ERN1: variants seen among roughly 807,000 people sequenced by gnomAD.
The protein encoded by ERN1 is serine/threonine-protein kinase/endoribonuclease IRE1.
In ERN1, 39 loss-of-function variants were observed where a neutral mutation model predicts 113.1. The ratio of observed to expected loss-of-function variants is 0.34; its 90% CI spans 0.27 to 0.45. ERN1 has a LOEUF of 0.45. Ranked by LOEUF, ERN1 falls within the 20% of genes least tolerant of loss-of-function variation. The pLI, the probability that ERN1 is intolerant of heterozygous loss-of-function variation, is 1.00. For missense variants in ERN1, 976 were observed against 1,274.8 expected (o/e 0.77, Z 3.57); for synonymous variants, 507 against 515.9 (o/e 0.98, Z 0.23).
intron 1 of ERN1, chr17:64,129,255 C>T (rs910251787): frequency 1.3e-5 from 2 of 152,238 alleles, no homozygotes; most frequent in African/African-American, 4.8e-5. Flanking sequence ...GGTGCTCTCC[C>T]ACGAGGAGAC....
intron 11 of ERN1, among the ~76,000 whole-genome samples, chr17:64,058,550 T>G (rs981606510): frequency 6.6e-6 from 1 of 152,194 alleles, no homozygotes; most frequent in African/African-American, 2.4e-5. Flanking sequence ...TTAAGAAGCA[T>G]CAGAAGCGTT....
chr17:64,117,963 T>C (rs1230974441), intron 1 of ERN1, among the ~76,000 whole-genome samples: 1 of 152,180 alleles, frequency 6.6e-6, no homozygotes, highest in Non-Finnish European at 1.5e-5. Context: ...GTGCTTGGCA[T>C]AAAATATGTA....
Position 64,057,834 on chromosome 17 carries a change from C to T in ERN1, c.1366G>A (p.Gly456Ser). 1 of 1,613,910 alleles carries T rather than the reference C, an allele frequency of 6.2e-7. No homozygotes were observed. Among genetic ancestry groups the T allele is most frequent in the Non-Finnish European group, 8.5e-7 (1 of 1,179,894 alleles). ...TIILSTFLLI[G>S]WVAFIITYPL... is the part of the protein sequence containing the mutation. Reference sequence around the variant, plus strand: ...TAGGTGATGATGAAGGCCACCCAGCCAATCAGCAGGAAGGTGCTCAGGATG... The same window carrying T: ...TAGGTGATGATGAAGGCCACCCAGCTAATCAGCAGGAAGGTGCTCAGGATG... Residue 456 changes from glycine (G) to serine (S), a missense_variant, in exon 12 of 22, where the codon GGC becomes AGC. Around this residue, in one of 5 missense-constraint regions of ERN1, gnomAD observed 459 missense variants for 581.2 expected, o/e 0.79. Transcript: ENST00000433197.
In ERN1 at chr17:64,054,908, C is replaced by T. The variant is rs1912807897; in HGVS notation, c.1673-80G>A. On this transcript the variant is annotated intron_variant, in intron 13 of 21. Transcript: ENST00000433197. The surrounding 1 kb of genome is among the most constrained non-coding windows in gnomAD (Gnocchi z 4.9). ...TTGAGGTTAACATAGTGACAAGCTT[C>T]CTGACCTCAGATTAAAAGATGGGAT... The T allele has an allele frequency of 9.3e-7, 1 of 1,076,920 alleles. No individual in the cohort carries two copies. 66.7% of individuals were successfully genotyped at this position (1,076,920 alleles called of 1,614,324 possible).
chr17:64,091,811 C>T (rs965022447), intron 2 of ERN1, among the ~76,000 whole-genome samples: 3 of 152,124 alleles, frequency 2.0e-5, no homozygotes, highest in African/African-American at 4.8e-5. Context: ...TGCACATGCA[C>T]TAAGGAGCTT....
intron 11 of ERN1, 100 bp from the exon 12 acceptor site, chr17:64,058,093 C>T: frequency 2.2e-6 from 2 of 912,206 alleles, no homozygotes. Context: ...AAGGATATGA[C>T]TGTACTGCAG....
At chr17:64,096,593 G>A (rs764118701) in intron 2 of ERN1, among the ~76,000 whole-genome samples, 13 of 152,120 alleles carry the variant, frequency 8.5e-5, no homozygotes, top group Admixed American at 5.9e-4. Flanking sequence ...AAACTTCCAC[G>A]AAACTGGTCC....
Position 64,098,465 on chromosome 17 carries a change from A to G in ERN1, c.55-224T>C, listed in dbSNP as rs779616188. 5 of 725,332 alleles carry G rather than the reference A, an allele frequency of 6.9e-6. No individual in the cohort carries two copies. The Admixed American group carries it at 6.9e-5, about 10-fold the overall frequency. 44.9% of individuals were successfully genotyped at this position (725,332 alleles called of 1,614,324 possible). A position where few individuals can be genotyped will look rare whatever the true frequency, so the allele number is the denominator to read the frequency against. ...CTGCAGACAGGCAGGCTCATGACCT[A>G]ACATTACAAGGACAAGAATTCTGAA... On this transcript the variant is annotated intron_variant, in intron 1 of 21. Coordinates refer to ENST00000433197, the MANE Select transcript of ERN1 (RefSeq NM_001433.5).
chr17:64,067,866 ATGTCCTATGCT>A (rs1306121709), intron 7 of ERN1: 4 of 221,874 alleles, frequency 1.8e-5, no homozygotes, highest in Non-Finnish European at 3.6e-5. Context: ...AGGGTTGTTA[ATGTCCTATGCT>A]GATTTTACTT....
At chr17:64,112,317 G>A (rs1444839445) in intron 1 of ERN1, among the ~76,000 whole-genome samples, 2 of 150,876 alleles carry the variant, frequency 1.3e-5, no homozygotes, top group Admixed American at 1.3e-4. Flanking sequence ...GCAGTGAGCT[G>A]AGATTGCACC....
chr17:64,053,489 T>C (rs1034645671), intron 15 of ERN1, 118 bp from the exon 16 acceptor site: 6 of 570,614 alleles, frequency 1.1e-5, no homozygotes, highest in Non-Finnish European at 1.7e-5. Flanking sequence ...CAACATTCTG[T>C]CTAAATCCAT....
intron 1 of ERN1, among the ~76,000 whole-genome samples, chr17:64,110,724 C>T (rs1914649100): frequency 6.6e-6 from 1 of 152,200 alleles, no homozygotes; most frequent in South Asian, 2.1e-4. Context: ...CTGACTTTTT[C>T]ATGTCAATAT....
Position 64,088,209 on chromosome 17 carries a change from T to C in ERN1, c.176-7401A>G, listed in dbSNP as rs553791177. On this transcript the variant is annotated intron_variant, in intron 2 of 21. Coordinates refer to ENST00000433197, the MANE Select transcript of ERN1 (RefSeq NM_001433.5). The stretch of plus-strand genomic sequence containing the variant: ...CACGGATATTTCTGGAACACCCTGC[T>C]TTTGCTTTTCCGTTGGACTCTAGAT... 2.2e-3 allele frequency among the ~76,000 whole-genome samples: 337 copies of C among 152,302 alleles called. 1 individual carries two copies. The highest frequency in any genetic ancestry group is 3.9e-3 in the Non-Finnish European group (267 of 68,026).
Position 64,045,263 on chromosome 17 carries a change from C to T in ERN1, c.2653+96G>A, listed in dbSNP as rs982626635. 4.9e-6 allele frequency: 7 copies of T among 1,429,210 alleles called. No homozygotes were observed. The Admixed American group carries it at 5.4e-5, about 11-fold the overall frequency. 88.5% of individuals were successfully genotyped at this position (1,429,210 alleles called of 1,614,324 possible). A position where few individuals can be genotyped will look rare whatever the true frequency, so the allele number is the denominator to read the frequency against. ...CAAACCTGACAGGTGGGATGTGGGGCCTGAACAGCCTGGAGCGGCCATTTC... is the reference window on the plus strand; with the variant it reads ...CAAACCTGACAGGTGGGATGTGGGGTCTGAACAGCCTGGAGCGGCCATTTC... On this transcript the variant is annotated intron_variant, in intron 20 of 21. Transcript: ENST00000433197.
At chr17:64,081,130 CACCGTGGACAAGGGGTCAGAGCATCACT>C (rs1159007346) in intron 2 of ERN1, among the ~76,000 whole-genome samples, 2 of 152,184 alleles carry the variant, frequency 1.3e-5, no homozygotes, top group Non-Finnish European at 2.9e-5. Context: ...AGTCACCACA[CACCGTGGACAAGGGGTCAGAGCATCACT>C]ATCTGACACC....
At chr17:64,108,995 G>A (rs1914604621) in intron 1 of ERN1, among the ~76,000 whole-genome samples, 1 of 152,020 alleles carries the variant, frequency 6.6e-6, no homozygotes, top group Non-Finnish European at 1.5e-5. Context: ...GTGGTGGCGG[G>A]CACCTGTAAT....
intron 17 of ERN1, among the ~76,000 whole-genome samples, chr17:64,050,030 C>T (rs891440260): frequency 1.3e-5 from 2 of 152,158 alleles, no homozygotes; most frequent in African/African-American, 4.8e-5. Context: ...CTCATTCAGC[C>T]TCACAACAAC....
chr17:64,087,638 A>C (rs1913974264), intron 2 of ERN1, among the ~76,000 whole-genome samples: 1 of 152,226 alleles, frequency 6.6e-6, no homozygotes, highest in African/African-American at 2.4e-5. Flanking sequence ...TGCTGGGTAC[A>C]TGGTTTCATG....
intron 1 of ERN1, among the ~76,000 whole-genome samples, chr17:64,116,908 T>G (rs1327142046): frequency 7.0e-6 from 1 of 142,674 alleles, no homozygotes; most frequent in East Asian, 2.1e-4. Flanking sequence ...ATTGAGACCA[T>G]CCTGGCTAAC....
Sources: gnomAD v4.1 joint callset for allele counts (sites outside exome capture counted in the v4.1 genomes callset) on GRCh38, gnomAD v4.1.1 for gene constraint, gnomAD v4.1.1 regional missense constraint, Gnocchi (gnomAD v3.1) non-coding constraint, MANE v1.5 for transcripts, NCBI Gene and HGNC (gene_info 2026-07-23, HGNC 2026-07-21) for gene names.